Variants in SLCO4C1 observed in about 807,000 individuals in gnomAD.
SLCO4C1 encodes solute carrier organic anion transporter family member 4C1.
In SLCO4C1, 58 loss-of-function variants were observed where a neutral mutation model predicts 72.1. The ratio of observed to expected loss-of-function variants is 0.80; its 90% CI spans 0.65 to 1.00. SLCO4C1 has a LOEUF of 1.00. Ranked by LOEUF, SLCO4C1 falls within the 50% of genes least tolerant of loss-of-function variation. SLCO4C1 has a pLI of 0.00. For synonymous variants in SLCO4C1, 297 were observed against 312.5 expected, an observed-to-expected ratio of 0.95 and a Z score of 0.52; for missense variants, 898 against 857.9, an observed-to-expected ratio of 1.05 and a Z score of -0.58.
At chr5:102,290,108 T>C (rs1343073605) in intron 2 of SLCO4C1, among the ~76,000 whole-genome samples, 1 of 152,216 alleles carries the variant, frequency 6.6e-6, no homozygotes, top group African/African-American at 2.4e-5. Context: ...CACCTGCTTC[T>C]AGTGAGGGCC....
intron 2 of SLCO4C1, among the ~76,000 whole-genome samples, chr5:102,285,674 T>A (rs1490159705): frequency 1.3e-5 from 2 of 152,192 alleles, no homozygotes; most frequent in Non-Finnish European, 2.9e-5. Flanking sequence ...GAGCATTAAC[T>A]ATTGCTAAAA....
intron 5 of SLCO4C1, 62 bp downstream of exon 5, chr5:102,261,850 G>A: frequency 1.3e-6 from 2 of 1,498,182 alleles, no homozygotes; most frequent in Non-Finnish European, 1.8e-6. Context: ...TAATCATATA[G>A]AAAATAGCAA....
At position 102,270,809 on chromosome 5, in the gene SLCO4C1, T is replaced by C. The variant is rs759653143; in HGVS notation, c.620-3A>G. The C allele has an allele frequency of 6.8e-6, 10 of 1,473,450 alleles. No individual in the cohort carries two copies. Among genetic ancestry groups the C allele is most frequent in the Middle Eastern group, 1.8e-4 (1 of 5,558 alleles). 91.3% of individuals were successfully genotyped at this position (1,473,450 alleles called of 1,614,324 possible). ...ATTCCTTGTTGTTACACAAGTGTCT[T>C]TGTGGAAAAAAAAATTGTGAATTTA... On this transcript the variant is annotated splice_polypyrimidine_tract_variant and splice_region_variant and intron_variant, in intron 2 of 12. Transcript: ENST00000310954.
intron 8 of SLCO4C1, 38 bp from the exon 9 acceptor site, chr5:102,249,826 C>A: frequency 6.3e-7 from 1 of 1,597,470 alleles, no homozygotes; most frequent in South Asian, 1.1e-5. Context: ...AATGATCTGT[C>A]ATAACTTTTA....
intron 2 of SLCO4C1, among the ~76,000 whole-genome samples, chr5:102,272,104 T>G (rs1237531308): frequency 7.2e-5 from 11 of 152,200 alleles, no homozygotes; most frequent in South Asian, 6.2e-4. Flanking sequence ...AGGCATACAT[T>G]GAGAAAGGAA....
chr5:102,292,269 GT>G (rs1433034561), intron 1 of SLCO4C1, among the ~76,000 whole-genome samples: 1 of 152,124 alleles, frequency 6.6e-6, no homozygotes, highest in East Asian at 1.9e-4. Context: ...CGTGAAGCCA[GT>G]TTGATAGAGT....
intron 2 of SLCO4C1, among the ~76,000 whole-genome samples, chr5:102,282,816 T>A (rs1749382070): frequency 6.6e-6 from 1 of 152,008 alleles, no homozygotes; most frequent in African/African-American, 2.4e-5. Flanking sequence ...TATGAATGTG[T>A]ATATACATTT....
chr5:102,260,591 A>G (rs1748922742), intron 5 of SLCO4C1, among the ~76,000 whole-genome samples: 1 of 151,844 alleles, frequency 6.6e-6, no homozygotes. Flanking sequence ...TTACTAGCTA[A>G]GGAAGTTCCA....
chr5:102,258,045 T>C lies in SLCO4C1; in HGVS notation c.1171A>G (p.Thr391Ala), dbSNP rs767706778. The change falls in exon 7 of 13, where the codon ACT (threonine) becomes GCT (alanine). Residue 391 changes from threonine to alanine, a missense_variant. Coordinates refer to ENST00000310954, the MANE Select transcript of SLCO4C1 (RefSeq NM_180991.5). ...NAVFMCLVLS[T>A]SSEALITTGF... ...GTAGTAATTAAGGCTTCTGAAGAAG[T>C]TGATAGAACTAAACACATAAAGACA... 105 of 1,600,702 alleles carry C rather than the reference T, an allele frequency of 6.6e-5. No individual in the cohort carries two copies. Among genetic ancestry groups the C allele is most frequent in the African/African-American group, 9.5e-5 (7 of 74,048 alleles).
chr5:102,257,033 C>A, intron 8 of SLCO4C1, 82 bp downstream of exon 8: 1 of 1,180,212 alleles, frequency 8.5e-7, no homozygotes, highest in South Asian at 3.0e-5. Flanking sequence ...GCCAATTTCT[C>A]ACCATTTAAG....
At chr5:102,266,342 A>C (rs925018701) in intron 3 of SLCO4C1, among the ~76,000 whole-genome samples, 1 of 152,084 alleles carries the variant, frequency 6.6e-6, no homozygotes, top group Non-Finnish European at 1.5e-5. Flanking sequence ...TACCATGTTG[A>C]ATAAGAGTGA....
chr5:102,278,689 A>T (rs1749294527), intron 2 of SLCO4C1, among the ~76,000 whole-genome samples: 1 of 152,138 alleles, frequency 6.6e-6, no homozygotes, highest in Non-Finnish European at 1.5e-5. Flanking sequence ...AATGATAACA[A>T]AAATATCTCC....
chr5:102,258,192 G>A, intron 6 of SLCO4C1, 105 bp from the exon 7 acceptor site: 2 of 929,594 alleles, frequency 2.2e-6, no homozygotes, highest in South Asian at 5.4e-5. Flanking sequence ...ACAATCATCT[G>A]TAAAATTTCA....
At position 102,296,273 on chromosome 5, in the gene SLCO4C1, G is replaced by A. The variant is rs776345116; in HGVS notation, c.-11C>T. 6.6e-7 allele frequency: 1 copy of A among 1,513,384 alleles called. No homozygotes were observed. Among genetic ancestry groups the A allele is most frequent in the Non-Finnish European group, 8.8e-7 (1 of 1,130,596 alleles). The allele number at this position is 1,513,384 out of a possible 1,614,324, so 93.7% of individuals were successfully genotyped here. ...TTTGGCGCTCTTCATGTCTGGATGG[G>A]TTCTCCCGACTCCGGTGCTTCAGAG... is the stretch of plus-strand genomic sequence containing the variant. On this transcript the variant is annotated 5_prime_UTR_variant, in exon 1 of 13. Transcript: ENST00000310954.
intron 10 of SLCO4C1, 148 bp downstream of exon 10, chr5:102,247,104 T>C: frequency 4.2e-6 from 2 of 477,432 alleles, no homozygotes; most frequent in Non-Finnish European, 7.0e-6. Flanking sequence ...ACAGAGGAGC[T>C]TGTCCAATGC....
intron 2 of SLCO4C1, among the ~76,000 whole-genome samples, chr5:102,281,484 C>T (rs1388086399): frequency 6.6e-6 from 1 of 151,922 alleles, no homozygotes; most frequent in African/African-American, 2.4e-5. Context: ...CTGAAAGACC[C>T]TGTTAAGAGG....
chr5:102,280,188 C>T (rs893622211), intron 2 of SLCO4C1, among the ~76,000 whole-genome samples: 5 of 147,652 alleles, frequency 3.4e-5, no homozygotes, highest in African/African-American at 1.2e-4. Flanking sequence ...GAAAACATGA[C>T]TGTCTACATA....
intron 6 of SLCO4C1, among the ~76,000 whole-genome samples, chr5:102,259,454 C>CATGT (rs1232225684): frequency 3.3e-5 from 5 of 152,040 alleles, no homozygotes; most frequent in African/African-American, 1.2e-4. Flanking sequence ...CAAGAATGTG[C>CATGT]ATGTATGGTG....
At chr5:102,267,914 T>C (rs1029551971) in intron 3 of SLCO4C1, among the ~76,000 whole-genome samples, 8 of 152,078 alleles carry the variant, frequency 5.3e-5, no homozygotes, top group African/African-American at 1.9e-4. Context: ...AAGTTCCTCA[T>C]TATTGATTTC....
Sources: gnomAD v4.1 joint callset for allele counts (sites outside exome capture counted in the v4.1 genomes callset) on GRCh38, gnomAD v4.1.1 for gene constraint, MANE v1.5 for transcripts, NCBI Gene and HGNC (gene_info 2026-07-23, HGNC 2026-07-21) for gene names.